Variants in ADGRL2 observed in about 807,000 individuals in gnomAD.
ADGRL2 encodes adhesion G protein-coupled receptor L2.
A neutral mutation model predicts 157.4 loss-of-function variants in ADGRL2; 44 were observed. That is an observed-to-expected ratio of 0.28 (90% CI 0.22 to 0.36). The LOEUF (loss-of-function observed/expected upper bound fraction) is 0.36. Ranked by LOEUF, ADGRL2 falls within the 10% of genes least tolerant of loss-of-function variation. The pLI is 1.00. For synonymous variants in ADGRL2, 585 were observed against 624.7 expected (o/e 0.94, Z 0.95); for missense variants, 1,510 against 1,768.9 (o/e 0.85, Z 2.63).
intron 2 of ADGRL2, among the ~76,000 whole-genome samples, chr1:81,867,980 G>A (rs2093590756): frequency 6.6e-6 from 1 of 151,574 alleles, no homozygotes; most frequent in African/African-American, 2.4e-5. Flanking sequence ...AAATATGTAG[G>A]CCAATATGGG....
intron 2 of ADGRL2, among the ~76,000 whole-genome samples, chr1:81,872,466 A>T (rs2093723601): frequency 6.6e-6 from 1 of 152,144 alleles, no homozygotes; most frequent in Non-Finnish European, 1.5e-5. Flanking sequence ...TGGAAGATGA[A>T]AAATAAAACT....
At position 81,308,555 on chromosome 1, in the gene ADGRL2, G is replaced by C. The variant is rs533174546; in HGVS notation, c.-302+2046G>C. Among the ~76,000 whole-genome samples the C allele has an allele frequency of 7.9e-4, 121 of 152,230 alleles. 1 individual carries two copies. The Middle Eastern group carries it at 0.014, about 17-fold the overall frequency. ...CAAGCTGAGGATAGATATAAAAAGT[G>C]GCCAAGGAGATCTTTTGGGGACAGA... On this transcript the variant is annotated intron_variant, in intron 1 of 24. Transcript: ENST00000370721.
intron 1 of ADGRL2, among the ~76,000 whole-genome samples, chr1:81,756,951 A>G (rs2085713318): frequency 1.3e-5 from 2 of 152,160 alleles, no homozygotes; most frequent in Non-Finnish European, 2.9e-5. Context: ...TTCATGACAT[A>G]AGGAAACGTT....
intron 14 of ADGRL2, 53 bp downstream of exon 14, chr1:81,968,252 A>G (rs1657711085): frequency 6.8e-7 from 1 of 1,471,768 alleles, no homozygotes; most frequent in Non-Finnish European, 9.4e-7. Flanking sequence ...GAGATTCAAA[A>G]CAGCTTGTAT....
At chr1:81,647,104 T>C (rs1226563454) in intron 3 of ADGRL2, among the ~76,000 whole-genome samples, 3 of 152,166 alleles carry the variant, frequency 2.0e-5, no homozygotes, top group Non-Finnish European at 4.4e-5. Context: ...CAATGTAAAT[T>C]TGGCAGTAGC....
intron 2 of ADGRL2, among the ~76,000 whole-genome samples, chr1:81,878,189 A>T (rs2093891196): frequency 6.6e-6 from 1 of 152,108 alleles, no homozygotes; most frequent in Non-Finnish European, 1.5e-5. Flanking sequence ...CACTTCCCTC[A>T]GGCACAAGAA....
chr1:81,340,835 G>A (rs920361025), intron 1 of ADGRL2, among the ~76,000 whole-genome samples: 4 of 151,700 alleles, frequency 2.6e-5, no homozygotes, highest in African/African-American at 9.7e-5. Context: ...TTAGGTTGAT[G>A]CCCAATAAAT....
intron 1 of ADGRL2, among the ~76,000 whole-genome samples, chr1:81,355,707 G>A (rs1208427310): frequency 6.6e-6 from 1 of 152,158 alleles, no homozygotes. Flanking sequence ...GAGACTATTA[G>A]AAGCAGGTTC....
chr1:81,719,556 T>A (rs1287273612), intron 1 of ADGRL2, among the ~76,000 whole-genome samples: 5 of 152,186 alleles, frequency 3.3e-5, no homozygotes, highest in Non-Finnish European at 7.4e-5. Context: ...TTAAGTTACT[T>A]AGCCAGTTGC....
At chr1:81,401,696 G>A (rs72713469) in intron 1 of ADGRL2, among the ~76,000 whole-genome samples, 12,341 of 152,156 alleles carry the variant, frequency 0.081, 704 homozygotes, top group Admixed American at 0.14. Flanking sequence ...TTCAGCCAGT[G>A]AACCTCAGGA....
intron 2 of ADGRL2, among the ~76,000 whole-genome samples, chr1:81,858,523 C>A (rs1344326928): frequency 1.3e-5 from 2 of 152,076 alleles, no homozygotes; most frequent in East Asian, 3.9e-4. Context: ...ATGTTTAGAA[C>A]CAAGACTTAA....
chr1:81,617,507 A>C (rs2081685259), intron 3 of ADGRL2, among the ~76,000 whole-genome samples: 1 of 152,246 alleles, frequency 6.6e-6, no homozygotes, highest in African/African-American at 2.4e-5. Context: ...AATTGCCAGC[A>C]GAGCTGCTTT....
intron 3 of ADGRL2, chr1:81,586,526 A>G (rs2081029877): frequency 6.6e-6 from 1 of 152,060 alleles, no homozygotes; most frequent in African/African-American, 2.4e-5. Flanking sequence ...TACAACTTTT[A>G]ATAATATACT....
chr1:81,923,094 C>G (rs949242133), intron 3 of ADGRL2, among the ~76,000 whole-genome samples: 1 of 152,144 alleles, frequency 6.6e-6, no homozygotes, highest in African/African-American at 2.4e-5. Context: ...GTTCAGTTAT[C>G]AAGAGAATGC....
chr1:81,481,404 G>A (rs1232383526), intron 2 of ADGRL2, among the ~76,000 whole-genome samples: 2 of 152,168 alleles, frequency 1.3e-5, no homozygotes, highest in East Asian at 3.9e-4. Context: ...ATTCTGTTTA[G>A]GACTGTAGTC....
chr1:81,379,027 ACTAAAGGAAAT>A (rs2076299470), intron 1 of ADGRL2, among the ~76,000 whole-genome samples: 1 of 152,178 alleles, frequency 6.6e-6, no homozygotes, highest in Non-Finnish European at 1.5e-5. Flanking sequence ...CTTCAACTTA[ACTAAAGGAAAT>A]CTATCATGTT....
intron 2 of ADGRL2, among the ~76,000 whole-genome samples, chr1:81,779,016 G>C (rs767545083): frequency 6.6e-6 from 1 of 152,082 alleles, no homozygotes; most frequent in African/African-American, 2.4e-5. Flanking sequence ...CTCAGTAAAT[G>C]CTATCTACAT....
At chr1:81,542,413 C>T (rs1359913529) in intron 2 of ADGRL2, among the ~76,000 whole-genome samples, 1 of 152,116 alleles carries the variant, frequency 6.6e-6, no homozygotes, top group Non-Finnish European at 1.5e-5. Flanking sequence ...CTTAAATGCC[C>T]CCTGTAGTTT....
chr1:81,423,836 G>A (rs889497231), intron 1 of ADGRL2, among the ~76,000 whole-genome samples: 1 of 152,078 alleles, frequency 6.6e-6, no homozygotes, highest in African/African-American at 2.4e-5. Flanking sequence ...TGAAGCAAAG[G>A]TTAAATTGCT....
Sources: gnomAD v4.1 joint callset for allele counts (sites outside exome capture counted in the v4.1 genomes callset) on GRCh38, gnomAD v4.1.1 for gene constraint, MANE v1.5 for transcripts, NCBI Gene and HGNC (gene_info 2026-07-23, HGNC 2026-07-21) for gene names.